The following DGLUCY variants were observed in gnomAD, a reference collection of about 807,000 sequenced individuals.
DGLUCY encodes D-glutamate cyclase, also known as D-glutamate cyclase, mitochondrial.
In DGLUCY, 58 loss-of-function variants were observed where a neutral mutation model predicts 58.5. The ratio of observed to expected loss-of-function variants is 0.99; its 90% CI spans 0.80 to 1.23. The LOEUF is 1.23. Ranked by LOEUF, DGLUCY falls within the 50% of genes most tolerant of loss-of-function variation. The pLI, the probability that DGLUCY is intolerant of heterozygous loss-of-function variation, is 0.00. For synonymous variants in DGLUCY, 325 were observed against 314.1 expected (o/e 1.03, Z -0.37); for missense variants, 779 against 784.7 (o/e 0.99, Z 0.09).
chr14:91,068,079 G>GCACACACACACACACACA (rs57428509), intron 1 of DGLUCY, among the ~76,000 whole-genome samples: 1 of 146,342 alleles, frequency 6.8e-6, no homozygotes, highest in African/African-American at 2.6e-5. Context: ...ACACGCGCAC[G>GCACACACACACACACACA]CACACACACA....
intron 1 of DGLUCY, among the ~76,000 whole-genome samples, chr14:91,102,743 A>ATGTGTGTGTGTGTGTGTGTGTGTGTG (rs548653144): frequency 1.8e-4 from 24 of 130,586 alleles, no homozygotes; most frequent in Non-Finnish European, 3.2e-4. Flanking sequence ...TCCAGTGTGT[A>ATGTGTGTGTGTGTGTGTGTGTGTGTG]TGTGTGTGTG....
At chr14:91,190,178 G>A (rs1663403554) in intron 9 of DGLUCY, among the ~76,000 whole-genome samples, 2 of 151,332 alleles carry the variant, frequency 1.3e-5, no homozygotes, top group South Asian at 2.1e-4. Flanking sequence ...TAGTAGAGAC[G>A]GGGTTTCACC....
intron 3 of DGLUCY, among the ~76,000 whole-genome samples, chr14:91,161,502 T>C (rs2047982093): frequency 6.6e-6 from 1 of 152,246 alleles, no homozygotes; most frequent in Non-Finnish European, 1.5e-5. Flanking sequence ...AGATGGCTTC[T>C]TCCTGACATG....
chr14:91,129,889 C>T (rs1319492247), intron 1 of DGLUCY, among the ~76,000 whole-genome samples: 2 of 152,108 alleles, frequency 1.3e-5, no homozygotes, highest in Non-Finnish European at 2.9e-5. Context: ...TCAGGTGATC[C>T]ACCCGCCTTG....
chr14:91,162,630 C>T (rs1023825470), intron 3 of DGLUCY, among the ~76,000 whole-genome samples: 4 of 152,262 alleles, frequency 2.6e-5, no homozygotes, highest in East Asian at 1.9e-4. Context: ...GGCACGGTGG[C>T]GCACGCCTGT....
rs34927063 is a variant in DGLUCY at position 91,181,623 on chromosome 14, TTTTC to T, written c.934+248_934+251del. Among the ~76,000 whole-genome samples the T allele has an allele frequency of 7.3e-3, 1,086 of 149,116 alleles. 8 individuals are homozygous for T. The highest frequency in any genetic ancestry group is 0.011 in the Non-Finnish European group (756 of 66,732). On this transcript the variant is annotated intron_variant, in intron 8 of 13. Coordinates refer to ENST00000256324, the MANE Select transcript of DGLUCY (RefSeq NM_001102368.3). Reference sequence around the variant, plus strand: ...TGTGAGTGATTTTTGCTTACTTTCTTTTTCTTTCTTTCTTTCTCTTTCTTTCTTT... The same window carrying T: ...TGTGAGTGATTTTTGCTTACTTTCTTTTTCTTTCTTTCTCTTTCTTTCTTT...
At chr14:91,179,118 C>T (rs2049018312) in intron 7 of DGLUCY, among the ~76,000 whole-genome samples, 1 of 152,206 alleles carries the variant, frequency 6.6e-6, no homozygotes, top group African/African-American at 2.4e-5. Flanking sequence ...GCGCAAGGCC[C>T]TCTGTGGGAT....
In DGLUCY at chr14:91,141,360, G is replaced by A. The variant is rs557927975; in HGVS notation, c.-81-16279G>A. ...TTCACTCCAGCCTGGGTGACAAAGC[G>A]AGACGCCATCTAAAAAAAAAAAAAG... On this transcript the variant is annotated intron_variant, in intron 1 of 13. Transcript: ENST00000256324. Among the ~76,000 whole-genome samples, 9 of 149,684 alleles carry A rather than the reference G, an allele frequency of 6.0e-5. No homozygotes were observed. In the South Asian group the frequency reaches 1.5e-3, roughly 24 times the overall value.
chr14:91,109,100 C>T (rs143486323), upstream of DGLUCY, among the ~76,000 whole-genome samples: 666 of 152,246 alleles, frequency 4.4e-3, 4 homozygotes, highest in Non-Finnish European at 5.5e-3. Context: ...ACAATGAATG[C>T]GGGCCTCGTG....
At chr14:91,080,989 G>A (rs112588661) in intron 1 of DGLUCY, among the ~76,000 whole-genome samples, 3,181 of 152,248 alleles carry the variant, frequency 0.021, 36 homozygotes, top group South Asian at 0.033. Context: ...GGTCACCTGA[G>A]GTCAGGAGTT....
chr14:91,218,901 C>T (rs756487731), intron 13 of DGLUCY, among the ~76,000 whole-genome samples: 6 of 151,724 alleles, frequency 4.0e-5, no homozygotes, highest in South Asian at 2.1e-4. Flanking sequence ...AGTGAGAGGC[C>T]GGGCATGGTG....
At chr14:91,117,020 T>A (rs1410601923) in intron 1 of DGLUCY, among the ~76,000 whole-genome samples, 1 of 152,022 alleles carries the variant, frequency 6.6e-6, no homozygotes, top group Admixed American at 6.6e-5. Context: ...TAACGGTTAT[T>A]TATTGATTAT....
At chr14:91,207,372 C>G (rs1441972769) in intron 12 of DGLUCY, among the ~76,000 whole-genome samples, 1 of 151,766 alleles carries the variant, frequency 6.6e-6, no homozygotes, top group Non-Finnish European at 1.5e-5. Flanking sequence ...ATCAGAATAT[C>G]TAAGAACTGT....
At chr14:91,076,497 A>G (rs540231697) in intron 1 of DGLUCY, among the ~76,000 whole-genome samples, 1 of 152,102 alleles carries the variant, frequency 6.6e-6, no homozygotes, top group Admixed American at 6.6e-5. Context: ...GCAGATGTAG[A>G]GTCTGCAGAT....
chr14:91,191,493 A>C (rs1217626714), intron 9 of DGLUCY, among the ~76,000 whole-genome samples: 1 of 152,208 alleles, frequency 6.6e-6, no homozygotes, highest in Non-Finnish European at 1.5e-5. Context: ...TTTTGGAGAC[A>C]CATAGGTCCT....
chr14:91,150,454 T>C (rs1054754137), intron 1 of DGLUCY, among the ~76,000 whole-genome samples: 1 of 151,750 alleles, frequency 6.6e-6, no homozygotes, highest in Admixed American at 6.6e-5. Context: ...GAATGTTTCT[T>C]TTTTTTTGAG....
chr14:91,167,565 C>T (rs540965962), intron 4 of DGLUCY, 187 bp downstream of exon 4: 1 of 776,964 alleles, frequency 1.3e-6, no homozygotes, highest in Non-Finnish European at 2.2e-6. Context: ...CTTCCCCTAT[C>T]ACCTGGCGCC....
At position 91,173,298 on chromosome 14, in the gene DGLUCY, C is replaced by A; in HGVS notation, c.466C>A (p.Pro156Thr). The part of the protein sequence containing the change: ...SQAGAYKTTV[P>T]CVTHAGFCCP... Reference sequence around the variant, plus strand: ...TTTTTTTTTTGGTCAGACAACAGTGCCTTGTGTTACCCATGCTGGCTTCTG... The same window carrying A: ...TTTTTTTTTTGGTCAGACAACAGTGACTTGTGTTACCCATGCTGGCTTCTG... The change falls in exon 6 of 14, where the codon CCT becomes ACT. Residue 156 changes from proline (P) to threonine (T), a missense_variant. Transcript: ENST00000256324. 1 of 1,610,958 alleles carries A rather than the reference C, an allele frequency of 6.2e-7. No individual in the cohort carries two copies.
At chr14:91,194,451 G>T (rs562309622) in intron 9 of DGLUCY, among the ~76,000 whole-genome samples, 15 of 152,088 alleles carry the variant, frequency 9.9e-5, no homozygotes, top group Non-Finnish European at 1.8e-4. Flanking sequence ...TGTTCTGTGA[G>T]CATCACGATG....
Sources: gnomAD v4.1 joint callset for allele counts (sites outside exome capture counted in the v4.1 genomes callset) on GRCh38, gnomAD v4.1.1 for gene constraint, MANE v1.5 for transcripts, NCBI Gene and HGNC (gene_info 2026-07-23, HGNC 2026-07-21) for gene names.